SEMA3E: variants seen among roughly 807,000 people sequenced by gnomAD.
SEMA3E encodes semaphorin 3E.
In SEMA3E, 49 loss-of-function variants were observed where a neutral mutation model predicts 93.6. The observed-to-expected ratio is 0.52, with a 90% CI of 0.42 to 0.66. The LOEUF is 0.66. SEMA3E is among the 30% of genes least tolerant of loss of function. The probability of loss-of-function intolerance (pLI) is 0.00; values close to 1 mark genes in which losing one functional copy is unlikely to be tolerated. For synonymous variants in SEMA3E, 363 were observed against 330.7 expected (o/e 1.10, Z -1.06); for missense variants, 906 against 964.8 (o/e 0.94, Z 0.81).
chr7:83,636,739 C>A (rs1793889405), intron 1 of SEMA3E, among the ~76,000 whole-genome samples: 1 of 152,012 alleles, frequency 6.6e-6, no homozygotes, highest in African/African-American at 2.4e-5. Context: ...AAGTTAATTT[C>A]TGGGAGAATA....
chr7:83,520,816 C>A (rs539448252), intron 1 of SEMA3E, among the ~76,000 whole-genome samples: 15 of 152,238 alleles, frequency 9.9e-5, no homozygotes, highest in East Asian at 7.7e-4. Context: ...ACTGAATGGA[C>A]AAGTTAATTT....
Position 83,367,512 on chromosome 7 carries a change from T to C in SEMA3E, c.*74A>G. On this transcript the variant is annotated 3_prime_UTR_variant, in exon 17 of 17. Coordinates refer to ENST00000643230, the MANE Select transcript of SEMA3E (RefSeq NM_012431.3). ...TCTCTTTTAAGTAATGCAAAGAAGTTGGATGATTTATTTTTTTACTTTTTT... is the reference window on the plus strand; with the variant it reads ...TCTCTTTTAAGTAATGCAAAGAAGTCGGATGATTTATTTTTTTACTTTTTT... The C allele has an allele frequency of 6.9e-7, 1 of 1,448,162 alleles. No individual in the cohort carries two copies. The highest frequency in any genetic ancestry group is 1.1e-5 in the South Asian group (1 of 87,236). The allele number at this position is 1,448,162 out of a possible 1,614,324, so 89.7% of individuals were successfully genotyped here. A position where few individuals can be genotyped will look rare whatever the true frequency, so the allele number is the denominator to read the frequency against.
intron 1 of SEMA3E, among the ~76,000 whole-genome samples, chr7:83,597,391 C>T (rs1326747595): frequency 2.0e-5 from 3 of 152,100 alleles, no homozygotes; most frequent in Non-Finnish European, 4.4e-5. Context: ...CCAAGAAGGG[C>T]CTTAGTGATA....
At chr7:83,542,736 T>C (rs1006002567) in intron 1 of SEMA3E, among the ~76,000 whole-genome samples, 1 of 152,162 alleles carries the variant, frequency 6.6e-6, no homozygotes, top group Non-Finnish European at 1.5e-5. Context: ...CTTGGTCTTA[T>C]AATCAGCTAA....
chr7:83,557,101 T>C (rs1232327746), intron 1 of SEMA3E, among the ~76,000 whole-genome samples: 4 of 152,190 alleles, frequency 2.6e-5, no homozygotes, highest in African/African-American at 9.6e-5. Context: ...ACAGAGTTTA[T>C]AAATTACTGA....
intron 14 of SEMA3E, among the ~76,000 whole-genome samples, chr7:83,388,170 G>A (rs532911762): frequency 1.0e-3 from 152 of 148,252 alleles, no homozygotes; most frequent in Middle Eastern, 3.6e-3. Context: ...TTAGTCGGGC[G>A]TGGTGGTGTG....
At chr7:83,628,276 C>T (rs1384830043) in intron 1 of SEMA3E, among the ~76,000 whole-genome samples, 1 of 151,978 alleles carries the variant, frequency 6.6e-6, no homozygotes, top group Non-Finnish European at 1.5e-5. Context: ...CTTGGGGTTG[C>T]TCTTCTCAAG....
chr7:83,605,323 T>A (rs1010210227), intron 1 of SEMA3E, among the ~76,000 whole-genome samples: 2 of 152,168 alleles, frequency 1.3e-5, no homozygotes, highest in Non-Finnish European at 2.9e-5. Flanking sequence ...TAATCACCAT[T>A]CTGACTGGCA....
chr7:83,454,563 C>T (rs1318371925), intron 4 of SEMA3E, among the ~76,000 whole-genome samples: 2 of 151,790 alleles, frequency 1.3e-5, no homozygotes, highest in Admixed American at 1.3e-4. Context: ...ACCTCAAAAA[C>T]TTACAAGTTT....
At chr7:83,533,315 G>A (rs1397410484) in intron 1 of SEMA3E, among the ~76,000 whole-genome samples, 1 of 152,124 alleles carries the variant, frequency 6.6e-6, no homozygotes, top group African/African-American at 2.4e-5. Flanking sequence ...GCCAAGGTGG[G>A]CAGATCACTT....
At chr7:83,420,576 G>A (rs186742074) in intron 4 of SEMA3E, among the ~76,000 whole-genome samples, 31 of 152,160 alleles carry the variant, frequency 2.0e-4, no homozygotes, top group Non-Finnish European at 3.4e-4. Flanking sequence ...TCAAACTATA[G>A]TACAAGACTA....
At chr7:83,473,904 G>A (rs1274858693) in intron 2 of SEMA3E, among the ~76,000 whole-genome samples, 1 of 151,934 alleles carries the variant, frequency 6.6e-6, no homozygotes, top group Non-Finnish European at 1.5e-5. Context: ...GACCAGCCTG[G>A]CAAACATGGT....
At chr7:83,553,798 A>G (rs1196106584) in intron 1 of SEMA3E, among the ~76,000 whole-genome samples, 1 of 152,174 alleles carries the variant, frequency 6.6e-6, no homozygotes, top group African/African-American at 2.4e-5. Context: ...GTCAAATAAA[A>G]AAATCTTCAG....
chr7:83,515,626 C>T (rs1004879447), intron 1 of SEMA3E, among the ~76,000 whole-genome samples: 13 of 152,050 alleles, frequency 8.5e-5, no homozygotes, highest in Non-Finnish European at 4.4e-5. Context: ...AATTATTATC[C>T]GGAATCTTCC....
intron 1 of SEMA3E, among the ~76,000 whole-genome samples, chr7:83,636,265 G>A (rs1793880122): frequency 6.6e-6 from 1 of 152,112 alleles, no homozygotes; most frequent in African/African-American, 2.4e-5. Context: ...AAGAGTTGAA[G>A]CCAAACTAGT....
intron 1 of SEMA3E, among the ~76,000 whole-genome samples, chr7:83,644,459 T>A (rs302121): frequency 0.86 from 130,547 of 151,936 alleles, 56,674 homozygotes; most frequent in East Asian, 1. Context: ...TCCTTCCAAT[T>A]TTCTCACTTT....
rs535657997 is a variant in SEMA3E at position 83,604,210 on chromosome 7, G to A, written c.115+44218C>T. 4.1e-5 allele frequency among the ~76,000 whole-genome samples: 6 copies of A among 146,772 alleles called. 1 individual carries two copies. The highest frequency in any genetic ancestry group is 1.5e-4 in the African/African-American group (6 of 40,496). ...AGAAATTTTACTCTCTCCCTTTAAA[G>A]TGAAGCAAAATTAGTTTAATAAGTA... On this transcript the variant is annotated intron_variant, in intron 1 of 16. Coordinates refer to ENST00000643230, the MANE Select transcript of SEMA3E (RefSeq NM_012431.3).
At chr7:83,546,015 ATATAT>A (rs1018712562) in intron 1 of SEMA3E, among the ~76,000 whole-genome samples, 10 of 146,764 alleles carry the variant, frequency 6.8e-5, no homozygotes, top group African/African-American at 2.2e-4. Context: ...TAAAAATATT[ATATAT>A]TATATTTTTA....
chr7:83,644,010 C>A (rs1794048102), intron 1 of SEMA3E, among the ~76,000 whole-genome samples: 1 of 151,934 alleles, frequency 6.6e-6, no homozygotes, highest in African/African-American at 2.4e-5. Context: ...TCAGTCACTA[C>A]CTCATGTTTT....
Sources: allele counts gnomAD v4.1 joint callset (sites outside exome capture counted in the v4.1 genomes callset), GRCh38; gene constraint gnomAD v4.1.1; transcripts MANE v1.5; gene names NCBI Gene and HGNC (gene_info 2026-07-23, HGNC 2026-07-21).